Variants in UBE2F observed in about 807,000 individuals in gnomAD.
UBE2F encodes the protein NEDD8-conjugating enzyme UBE2F.
UBE2F carries 5 observed loss-of-function variants against 29.6 expected under a neutral mutation model. The observed-to-expected ratio is 0.17, with a 90% CI of 0.09 to 0.36. UBE2F has a LOEUF of 0.36. UBE2F is among the 10% of genes least tolerant of loss of function. UBE2F has a pLI of 1.00. For synonymous variants in UBE2F, 66 were observed against 81.8 expected, an observed-to-expected ratio of 0.81 and a Z score of 1.04; for missense variants, 141 against 228.5, an observed-to-expected ratio of 0.62 and a Z score of 2.47.
At chr2:237,984,810 C>T (rs1423032613) in intron 2 of UBE2F, among the ~76,000 whole-genome samples, 1 of 152,072 alleles carries the variant, frequency 6.6e-6, no homozygotes, top group African/African-American at 2.4e-5. Context: ...GACAGGGTCT[C>T]ACTTTGTTGC....
chr2:238,004,963 C>T (rs900643202), intron 4 of UBE2F, among the ~76,000 whole-genome samples: 2 of 152,144 alleles, frequency 1.3e-5, no homozygotes, highest in Admixed American at 6.5e-5. Flanking sequence ...AAAGAGACAG[C>T]CTTTTCTGGG....
At chr2:238,013,697 C>T in intron 4 of UBE2F, among the ~76,000 whole-genome samples, 1 of 152,090 alleles carries the variant, frequency 6.6e-6, no homozygotes, top group East Asian at 1.9e-4. Context: ...TCCCAGGGCT[C>T]TCGGTAATCT....
chr2:238,039,487 C>T (rs562684516), intron 9 of UBE2F, among the ~76,000 whole-genome samples: 7 of 152,354 alleles, frequency 4.6e-5, no homozygotes, highest in African/African-American at 1.7e-4. Context: ...GCACTTGACA[C>T]AGAGTGCACT....
At chr2:238,036,088 G>A (rs1387906110) in intron 9 of UBE2F, 148 bp downstream of exon 9, 2 of 691,138 alleles carry the variant, frequency 2.9e-6, no homozygotes. Flanking sequence ...AAACAATATG[G>A]TATAGTAAAT....
At chr2:238,002,244 C>T (rs1264215758) in intron 4 of UBE2F, among the ~76,000 whole-genome samples, 14 of 148,878 alleles carry the variant, frequency 9.4e-5, no homozygotes, top group Non-Finnish European at 1.9e-4. Flanking sequence ...TTTTTTTTTT[C>T]CTCTTTCTGT....
At chr2:237,979,550 C>A (rs1266821742) in intron 2 of UBE2F, among the ~76,000 whole-genome samples, 1 of 152,200 alleles carries the variant, frequency 6.6e-6, no homozygotes, top group Non-Finnish European at 1.5e-5. Context: ...CAGCATTTAG[C>A]AGTGTGTGCC....
chr2:238,032,330 G>T, intron 8 of UBE2F, 76 bp downstream of exon 8: 2 of 1,264,188 alleles, frequency 1.6e-6, no homozygotes, highest in South Asian at 2.4e-5. Context: ...TTAAGACATG[G>T]TTTTAACACA....
Position 237,967,550 on chromosome 2 carries a change from G to A in UBE2F, c.-17+418G>A, listed in dbSNP as rs1374891397. On this transcript the variant is annotated intron_variant, in intron 1 of 9. Coordinates refer to ENST00000272930, the MANE Select transcript of UBE2F (RefSeq NM_080678.3). The surrounding 1 kb of genome is among the most constrained non-coding windows in gnomAD (Gnocchi z 6.3). ...GGAGGAAGCGGGGCGTCCAGCGCCT[G>A]GCCAAGGTCACCGGCCCGACGTGGC... Among the ~76,000 whole-genome samples the A allele has an allele frequency of 6.6e-6, 1 of 152,122 alleles. No homozygotes were observed. Among genetic ancestry groups the A allele is most frequent in the East Asian group, 1.9e-4 (1 of 5,174 alleles).
intron 2 of UBE2F, among the ~76,000 whole-genome samples, chr2:237,981,614 C>CTTT (rs139270010): frequency 2.7e-4 from 17 of 62,368 alleles, no homozygotes; most frequent in African/African-American, 3.8e-4. Context: ...AATTTGAATT[C>CTTT]TTTTTTTTTT....
intron 6 of UBE2F, 42 bp from the exon 7 acceptor site, chr2:238,030,514 G>A: frequency 1.3e-6 from 2 of 1,520,956 alleles, no homozygotes; most frequent in East Asian, 4.5e-5. Context: ...CAGGGCACCT[G>A]TGGCTGCTCC....
intron 2 of UBE2F, among the ~76,000 whole-genome samples, chr2:237,975,051 C>T (rs1032338985): frequency 1.3e-5 from 2 of 151,900 alleles, no homozygotes; most frequent in South Asian, 2.1e-4. Flanking sequence ...GGATTACAGA[C>T]GTGAGCCACT....
intron 2 of UBE2F, among the ~76,000 whole-genome samples, chr2:237,980,594 G>C (rs1277102261): frequency 6.6e-6 from 1 of 152,098 alleles, no homozygotes; most frequent in Non-Finnish European, 1.5e-5. Flanking sequence ...TATGAATTTG[G>C]GGGTGGAGGG....
chr2:238,031,958 T>C (rs889744388), intron 7 of UBE2F, among the ~76,000 whole-genome samples: 2 of 152,254 alleles, frequency 1.3e-5, no homozygotes, highest in Non-Finnish European at 2.9e-5. Flanking sequence ...TCGTGCAGGA[T>C]TGGGCTTGTC....
At chr2:237,995,758 A>C (rs2063678368) in intron 4 of UBE2F, among the ~76,000 whole-genome samples, 1 of 152,172 alleles carries the variant, frequency 6.6e-6, no homozygotes, top group Admixed American at 6.5e-5. Context: ...GTTTCAAAAT[A>C]TCAAAATATG....
chr2:237,978,204 C>T (rs2063318929), intron 2 of UBE2F, among the ~76,000 whole-genome samples: 1 of 152,190 alleles, frequency 6.6e-6, no homozygotes, highest in African/African-American at 2.4e-5. Flanking sequence ...TGTGCAGCCA[C>T]CAAATCCCTG....
chr2:238,028,960 T>A (rs993472931), intron 6 of UBE2F: 1 of 152,168 alleles, frequency 6.6e-6, no homozygotes, highest in African/African-American at 2.4e-5. Flanking sequence ...TTAATCCTTT[T>A]AAAATTATTT....
chr2:238,030,964 G>A (rs1036577524), intron 7 of UBE2F, among the ~76,000 whole-genome samples: 6 of 152,230 alleles, frequency 3.9e-5, no homozygotes, highest in African/African-American at 1.4e-4. Context: ...CTAGGTGTTG[G>A]AGGAGGAGCA....
chr2:238,009,097 G>A (rs1421961050), intron 4 of UBE2F, among the ~76,000 whole-genome samples: 1 of 152,212 alleles, frequency 6.6e-6, no homozygotes, highest in East Asian at 1.9e-4. Flanking sequence ...CAAGTTAGTG[G>A]TGATTCTTTG....
At chr2:238,019,255 A>C (rs1246461019) in intron 5 of UBE2F, among the ~76,000 whole-genome samples, 2 of 152,170 alleles carry the variant, frequency 1.3e-5, no homozygotes, top group Admixed American at 1.3e-4. Context: ...TTTCATCAGG[A>C]ATAAAACCCC....
Sources: gnomAD v4.1 joint callset for allele counts (sites outside exome capture counted in the v4.1 genomes callset) on GRCh38, gnomAD v4.1.1 for gene constraint, Gnocchi (gnomAD v3.1) non-coding constraint, MANE v1.5 for transcripts, NCBI Gene and HGNC (gene_info 2026-07-23, HGNC 2026-07-21) for gene names.